TOMM20L: variants seen among roughly 807,000 people sequenced by gnomAD.
TOMM20L encodes the protein TOMM20-like protein 1.
In TOMM20L, 19 loss-of-function variants were observed where a neutral mutation model predicts 20.4. That is an observed-to-expected ratio of 0.93 (90% CI 0.65 to 1.36). The LOEUF (loss-of-function observed/expected upper bound fraction) is 1.36. TOMM20L is among the 40% of genes most tolerant of loss of function. The pLI, the probability that TOMM20L is intolerant of heterozygous loss-of-function variation, is 0.00. For synonymous variants in TOMM20L, 75 were observed against 79.6 expected, an observed-to-expected ratio of 0.94 and a Z score of 0.30; for missense variants, 218 against 203.7, an observed-to-expected ratio of 1.07 and a Z score of -0.43.
chr14:58,411,064 CTAACTTAAA>C (rs2036199541), downstream of TOMM20L: 1 of 670,798 alleles, frequency 1.5e-6, no homozygotes, highest in Admixed American at 2.6e-5. Context: ...AGTTATTATG[CTAACTTAAA>C]TGGGTACAGT....
chr14:58,407,060 AAC>A (rs2036069808), intron 3 of TOMM20L, among the ~76,000 whole-genome samples: 1 of 152,326 alleles, frequency 6.6e-6, no homozygotes, highest in African/African-American at 2.4e-5. Flanking sequence ...CAAATTATAG[AAC>A]ACGAGCATTT....
At position 58,407,372 on chromosome 14, in the gene TOMM20L, G is replaced by A. The variant is rs1265154839; in HGVS notation, c.309G>A (p.Val103=). Reference sequence around the variant, plus strand: ...AACACCTCGGCAATGCCCTTTTAGTGTGCGAGCAACCACGGGAACTTCTGA... The same window carrying A: ...AACACCTCGGCAATGCCCTTTTAGTATGCGAGCAACCACGGGAACTTCTGA... ...GIQHLGNALL[V]CEQPRELLKV... Residue 103 remains valine, a synonymous_variant, in exon 4 of 5, where the codon GTG becomes GTA. Coordinates refer to ENST00000360945, the MANE Select transcript of TOMM20L (RefSeq NM_207377.3). 3.7e-6 allele frequency: 6 copies of A among 1,613,566 alleles called. No homozygotes were observed. The South Asian group carries it at 4.4e-5, about 12-fold the overall frequency.
rs1491246989 is a variant in TOMM20L, at chr14:58,404,099, GTA to G, written c.262+1358_262+1359del. On this transcript the variant is annotated intron_variant, in intron 3 of 4. Transcript: ENST00000360945. ...GTACAATGTATATATACATATATAT[GTA>G]TATATATATATATATATATTTTTTT... Among the ~76,000 whole-genome samples the G allele has an allele frequency of 7.9e-3, 182 of 22,936 alleles. 35 individuals are homozygous for G. Among genetic ancestry groups the G allele is most frequent in the African/African-American group, 0.022 (163 of 7,550 alleles). The allele number at this position is 22,936 out of a possible 152,430, so 15.0% of individuals were successfully genotyped here.
intron 3 of TOMM20L, among the ~76,000 whole-genome samples, chr14:58,405,654 G>A (rs2036048340): frequency 6.6e-6 from 1 of 152,104 alleles, no homozygotes; most frequent in Non-Finnish European, 1.5e-5. Flanking sequence ...ATACAGGTGT[G>A]TGCCACCATG....
chr14:58,412,205 C>T, downstream of TOMM20L: 38 of 366,540 alleles, frequency 1.0e-4, no homozygotes, highest in South Asian at 1.6e-4. Flanking sequence ...CGCAGTGGCG[C>T]CATCTTGGCT....
rs2036006433 is a variant in TOMM20L, at chr14:58,402,669, GA to G, written c.181-9del. ...CATTACTCATTGTTGAATATTTTAT[GA>G]ATATTTTAGTTGTGGGATCCAACGA... On this transcript the variant is annotated splice_polypyrimidine_tract_variant and intron_variant, in intron 2 of 4. Coordinates refer to ENST00000360945, the MANE Select transcript of TOMM20L (RefSeq NM_207377.3). 1 of 1,597,126 alleles carries G rather than the reference GA, an allele frequency of 6.3e-7. No homozygotes were observed. The highest frequency in any genetic ancestry group is 2.2e-5 in the East Asian group (1 of 44,750).
chr14:58,411,890 T>C, downstream of TOMM20L: 1 of 1,613,324 alleles, frequency 6.2e-7, no homozygotes, highest in Non-Finnish European at 8.5e-7. Context: ...CTTTTCCCCT[T>C]AATTAGAATA....
In TOMM20L at chr14:58,396,011, C is replaced by T. The variant is rs548833666; in HGVS notation, c.54C>T (p.Gly18=). ...LRLLAAAAAC[G]AFAFLGYCIY... is the part of the protein sequence containing the mutation. ...TCTTGGCCGCCGCGGCGGCCTGTGG[C>T]GCCTTCGCCTTCCTGGGCTATTGTA... Residue 18 remains glycine, a synonymous_variant, in exon 1 of 5, where the codon GGC becomes GGT. Transcript: ENST00000360945. The T allele has an allele frequency of 6.9e-7, 1 of 1,451,864 alleles. No homozygotes were observed. The highest frequency in any genetic ancestry group is 9.1e-7 in the Non-Finnish European group (1 of 1,096,754). 89.9% of individuals were successfully genotyped at this position (1,451,864 alleles called of 1,614,324 possible).
chr14:58,406,288 ATATCT>A (rs2036056201), intron 3 of TOMM20L, among the ~76,000 whole-genome samples: 1 of 152,242 alleles, frequency 6.6e-6, no homozygotes, highest in Non-Finnish European at 1.5e-5. Flanking sequence ...AGGCACCATT[ATATCT>A]TATGTTGAAA....
chr14:58,409,402 G>C (rs976969665), downstream of TOMM20L, among the ~76,000 whole-genome samples: 2 of 152,048 alleles, frequency 1.3e-5, no homozygotes, highest in African/African-American at 4.8e-5. Context: ...GCAATGATAA[G>C]TCTCTGTTTT....
In TOMM20L at chr14:58,396,005, C is replaced by A. The variant is rs1409356305; in HGVS notation, c.48C>A (p.Ala16=). 2 of 1,453,764 alleles carry A rather than the reference C, an allele frequency of 1.4e-6. No individual in the cohort carries two copies. Among genetic ancestry groups the A allele is most frequent in the South Asian group, 1.5e-5 (1 of 66,774 alleles). The allele number at this position is 1,453,764 out of a possible 1,614,324, so 90.1% of individuals were successfully genotyped here. A position where few individuals can be genotyped will look rare whatever the true frequency, so the allele number is the denominator to read the frequency against. Residue 16 remains alanine, a synonymous_variant, in exon 1 of 5, where the codon GCC becomes GCA. Coordinates refer to ENST00000360945, the MANE Select transcript of TOMM20L (RefSeq NM_207377.3). ...SLLRLLAAAA[A]CGAFAFLGYC... Reference sequence around the variant, plus strand: ...TCCGCCTCTTGGCCGCCGCGGCGGCCTGTGGCGCCTTCGCCTTCCTGGGCT... The same window carrying A: ...TCCGCCTCTTGGCCGCCGCGGCGGCATGTGGCGCCTTCGCCTTCCTGGGCT...
intron 1 of TOMM20L, 100 bp from the exon 2 acceptor site, chr14:58,396,198 C>G (rs980103317): frequency 1.7e-5 from 26 of 1,536,698 alleles, no homozygotes; most frequent in Non-Finnish European, 2.2e-5. Flanking sequence ...GCCTCAGCCT[C>G]TGCCGAGGGG....
chr14:58,406,312 TTAATG>T (rs1219669079), intron 3 of TOMM20L, among the ~76,000 whole-genome samples: 1 of 152,188 alleles, frequency 6.6e-6, no homozygotes, highest in Admixed American at 6.5e-5. Flanking sequence ...AAATGTAAAA[TTAATG>T]TATTTAAATC....
At chr14:58,409,704 G>A (rs371085276), downstream of TOMM20L, among the ~76,000 whole-genome samples, 1 of 151,780 alleles carries the variant, frequency 6.6e-6, no homozygotes, top group African/African-American at 2.4e-5. Flanking sequence ...TCAGCATCCC[G>A]AGTAGCTGGG....
chr14:58,396,149 G>C lies in TOMM20L; in HGVS notation c.136+56G>C, dbSNP rs570328107. 6.0e-5 allele frequency: 77 copies of C among 1,278,786 alleles called. No homozygotes were observed. In the African/African-American group the frequency reaches 1.1e-3, roughly 19 times the overall value. The allele number at this position is 1,278,786 out of a possible 1,614,324, so 79.2% of individuals were successfully genotyped here. A position where few individuals can be genotyped will look rare whatever the true frequency, so the allele number is the denominator to read the frequency against. On this transcript the variant is annotated intron_variant, in intron 1 of 4. Transcript: ENST00000360945. ...GGCCGGGCAGCGCGGGCGGGCTGCC[G>C]GCCGGGAGGGCCCCCCACTGAGAGG...
intron 2 of TOMM20L, 39 bp downstream of exon 2, chr14:58,396,380 G>C (rs372436222): frequency 7.5e-6 from 12 of 1,610,432 alleles, no homozygotes; most frequent in Non-Finnish European, 1.0e-5. Context: ...CTCAGTAGAC[G>C]CAGGTCCGGG....
At chr14:58,414,736 C>CAAAAAAAAAAAAAA in the TOMM20L span, among the ~76,000 whole-genome samples, 1 of 117,546 alleles carries the variant, frequency 8.5e-6, no homozygotes, top group African/African-American at 3.3e-5. Flanking sequence ...GACGCCATCT[C>CAAAAAAAAAAAAAA]AAAAAAAAAA....
downstream of TOMM20L, chr14:58,408,753 A>G: frequency 2.7e-6 from 2 of 729,048 alleles, no homozygotes; most frequent in Non-Finnish European, 4.3e-6. Flanking sequence ...AATTGAAGAA[A>G]CAATGGTTTA....
At chr14:58,410,840 T>C, downstream of TOMM20L, 3 of 1,601,686 alleles carry the variant, frequency 1.9e-6, no homozygotes, top group Non-Finnish European at 2.6e-6. Context: ...ACACTTTTCA[T>C]ACCTCTTCAG....
Sources: gnomAD v4.1 joint callset for allele counts (sites outside exome capture counted in the v4.1 genomes callset) on GRCh38, gnomAD v4.1.1 for gene constraint, MANE v1.5 for transcripts, NCBI Gene and HGNC (gene_info 2026-07-23, HGNC 2026-07-21) for gene names.